PDCD6: variants seen among roughly 807,000 people sequenced by gnomAD.
The protein encoded by PDCD6 is programmed cell death protein 6.
PDCD6 carries 12 observed loss-of-function variants against 28.3 expected under a neutral mutation model. That is an observed-to-expected ratio of 0.42 (90% CI 0.27 to 0.69). The LOEUF is 0.69. Among genes scored for constraint, PDCD6 ranks in the 30% least tolerant of loss-of-function variants. PDCD6 has a pLI of 0.22. For synonymous variants in PDCD6, 92 were observed against 108.0 expected (o/e 0.85, Z 0.92); for missense variants, 226 against 269.9 (o/e 0.84, Z 1.14).
At chr5:302,068 C>CTGTGTG (rs1491538086) in intron 2 of PDCD6, among the ~76,000 whole-genome samples, 1 of 63,374 alleles carries the variant, frequency 1.6e-5, no homozygotes, top group African/African-American at 4.9e-5. Flanking sequence ...TTGAGTGCTG[C>CTGTGTG]TCTGTGTGTG....
chr5:288,857 G>A, intron 2 of PDCD6: 2 of 1,505,474 alleles, frequency 1.3e-6, no homozygotes, highest in Non-Finnish European at 1.8e-6. Flanking sequence ...GTTCATCGGT[G>A]ACTTCTGTGG....
At position 294,557 on chromosome 5, in the gene PDCD6, T is replaced by C. The variant is rs554745659; in HGVS notation, c.164-9620T>C. On this transcript the variant is annotated intron_variant, in intron 2 of 5. Coordinates refer to ENST00000264933, the MANE Select transcript of PDCD6 (RefSeq NM_013232.4). ...AACCACAGGCCGACCCAGGTTCTAG[T>C]GATGATGCAGAGGAACTGGGACCCT... Among the ~76,000 whole-genome samples, 14 of 152,306 alleles carry C rather than the reference T, an allele frequency of 9.2e-5. No homozygotes were observed. In the East Asian group the frequency reaches 1.9e-3, roughly 21 times the overall value.
intron 2 of PDCD6, among the ~76,000 whole-genome samples, chr5:297,519 T>A (rs1739694844): frequency 6.6e-6 from 1 of 152,230 alleles, no homozygotes; most frequent in Non-Finnish European, 1.5e-5. Context: ...CACAAAGAGC[T>A]GCACACATTT....
intron 2 of PDCD6, among the ~76,000 whole-genome samples, chr5:279,843 C>T (rs1370247073): frequency 6.9e-6 from 1 of 144,386 alleles, no homozygotes. Flanking sequence ...ATAGTAATGG[C>T]AAAAACTGCG....
At chr5:299,972 G>C (rs540639708) in intron 2 of PDCD6, among the ~76,000 whole-genome samples, 1 of 152,160 alleles carries the variant, frequency 6.6e-6, no homozygotes, top group African/African-American at 2.4e-5. Flanking sequence ...TACATGTCCA[G>C]TCCCATCACT....
rs1301811056 is a variant in PDCD6 at position 307,093 on chromosome 5, T to G, written c.367+333T>G. 6.6e-6 allele frequency among the ~76,000 whole-genome samples: 1 copy of G among 152,198 alleles called. No individual in the cohort carries two copies. The highest frequency in any genetic ancestry group is 1.9e-4 in the East Asian group (1 of 5,188). On this transcript the variant is annotated intron_variant, in intron 4 of 5. Transcript: ENST00000264933. This position sits in a 1 kb window ranked among gnomAD's most constrained non-coding sequence, Gnocchi z 6.1. ...TGAAAATACCGTGGGGCAGGGCAGC[T>G]TATATTTCATGATAGATCAAAGCAC...
rs937683335 is a variant in PDCD6, at chr5:279,025, C to T, written c.163+6253C>T. ...TCTTGTTCTTCCCAACAGAGAGGCCCGTTGAGGCTTCTCTGTCCTCCATGG... is the reference window on the plus strand; with the variant it reads ...TCTTGTTCTTCCCAACAGAGAGGCCTGTTGAGGCTTCTCTGTCCTCCATGG... On this transcript the variant is annotated intron_variant, in intron 2 of 5. Coordinates refer to ENST00000264933, the MANE Select transcript of PDCD6 (RefSeq NM_013232.4). 7.2e-5 allele frequency among the ~76,000 whole-genome samples: 11 copies of T among 152,210 alleles called. No individual in the cohort carries two copies. In the South Asian group the frequency reaches 1.2e-3, roughly 17 times the overall value.
intron 2 of PDCD6, among the ~76,000 whole-genome samples, chr5:297,334 C>T (rs184540208): frequency 1.8e-3 from 279 of 152,334 alleles, no homozygotes; most frequent in African/African-American, 6.4e-3. Context: ...ATGCTTCTTC[C>T]GTTACCCTTA....
At chr5:289,586 T>G (rs1374976379) in intron 2 of PDCD6, 7 of 917,004 alleles carry the variant, frequency 7.6e-6, no homozygotes, top group Non-Finnish European at 1.3e-5. Flanking sequence ...AACATGAGTC[T>G]TTTTACCTCA....
chr5:280,761 A>G (rs1007246656), intron 2 of PDCD6, among the ~76,000 whole-genome samples: 2 of 145,928 alleles, frequency 1.4e-5, no homozygotes, highest in Non-Finnish European at 3.0e-5. Flanking sequence ...AGGGGAGTCC[A>G]TAGACCAGGG....
At chr5:295,208 T>C (rs1363331504) in intron 2 of PDCD6, among the ~76,000 whole-genome samples, 1 of 137,094 alleles carries the variant, frequency 7.3e-6, no homozygotes, top group African/African-American at 3.4e-5. Flanking sequence ...AAAAAAACTC[T>C]TAAAATAAAA....
intron 2 of PDCD6, among the ~76,000 whole-genome samples, chr5:285,558 G>C (rs1397334655): frequency 6.6e-6 from 1 of 151,812 alleles, no homozygotes; most frequent in Non-Finnish European, 1.5e-5. Flanking sequence ...TGCAACTGGA[G>C]ACCCGGCAGG....
chr5:303,321 C>A (rs1376117143), intron 2 of PDCD6, among the ~76,000 whole-genome samples: 1 of 150,058 alleles, frequency 6.7e-6, no homozygotes, highest in Admixed American at 6.6e-5. Context: ...AACTGTGTGT[C>A]TAACACAGAC....
intron 2 of PDCD6, among the ~76,000 whole-genome samples, chr5:278,952 G>A (rs181306150): frequency 1.3e-5 from 2 of 151,990 alleles, no homozygotes; most frequent in South Asian, 2.1e-4. Flanking sequence ...CCTGTCTCAC[G>A]GGGTGTGGGC....
intron 2 of PDCD6, among the ~76,000 whole-genome samples, chr5:277,366 A>G (rs1484500367): frequency 3.2e-5 from 4 of 126,154 alleles, no homozygotes; most frequent in Admixed American, 1.9e-4. Flanking sequence ...CGGTGGCACT[A>G]TCTTGGCTCA....
intron 2 of PDCD6, among the ~76,000 whole-genome samples, chr5:285,141 G>A (rs1239987272): frequency 6.6e-6 from 1 of 151,766 alleles, no homozygotes; most frequent in East Asian, 2.0e-4. Flanking sequence ...TTTGAACCTG[G>A]TGGGGGAGCT....
chr5:284,439 T>G (rs11133958), intron 2 of PDCD6, among the ~76,000 whole-genome samples: 2 of 152,200 alleles, frequency 1.3e-5, no homozygotes, highest in South Asian at 4.2e-4. Flanking sequence ...GCTGGAGATC[T>G]GGCAGGAGCT....
chr5:272,748 G>A lies in PDCD6; in HGVS notation c.139G>A (p.Glu47Lys). 1.9e-6 allele frequency: 3 copies of A among 1,588,382 alleles called. No individual in the cohort carries two copies. The highest frequency in any genetic ancestry group is 1.7e-6 in the Non-Finnish European group (2 of 1,172,638). Residue 47 changes from glutamate to lysine, a missense_variant, in exon 2 of 6, where the codon GAG becomes AAG. Physicochemically the swap from Glu to Lys is moderately conservative, Grantham distance 56 (BLOSUM62 1). This residue lies in a region of PDCD6 where 72 missense variants were observed against 71.4 expected (regional missense o/e 1.01). Transcript: ENST00000264933. The part of the protein sequence containing the change: ...KDRSGVISDT[E>K]LQQALSNGTW... The stretch of plus-strand genomic sequence containing the variant: ...CAGGAGTGGAGTGATATCAGACACC[G>A]AGCTTCAGCAAGCTCTCTCCAACGG...
chr5:311,526 A>G, intron 5 of PDCD6, 124 bp downstream of exon 5: 1 of 659,468 alleles, frequency 1.5e-6, no homozygotes. Flanking sequence ...GAGCTTATAA[A>G]AGTGAGTCTC....
Sources: gnomAD v4.1 joint callset for allele counts (sites outside exome capture counted in the v4.1 genomes callset) on GRCh38, gnomAD v4.1.1 for gene constraint, gnomAD v4.1.1 regional missense constraint, Gnocchi (gnomAD v3.1) non-coding constraint, MANE v1.5 for transcripts, NCBI Gene and HGNC (gene_info 2026-07-23, HGNC 2026-07-21) for gene names.